The following DCBLD2 variants were observed in gnomAD, a reference collection of about 807,000 sequenced individuals.
DCBLD2 encodes discoidin, CUB and LCCL domain containing 2.
In DCBLD2, 54 loss-of-function variants were observed where a neutral mutation model predicts 86.8. That is an observed-to-expected ratio of 0.62 (90% CI 0.50 to 0.78). The LOEUF is 0.78. DCBLD2 is among the 30% of genes least tolerant of loss of function. DCBLD2 has a pLI of 0.00. For synonymous variants in DCBLD2, 354 were observed against 341.3 expected (o/e 1.04, Z -0.41); for missense variants, 908 against 954.2 (o/e 0.95, Z 0.64).
chr3:98,901,061 C>T, intron 1 of DCBLD2, 61 bp downstream of exon 1: 1 of 1,534,832 alleles, frequency 6.5e-7, no homozygotes, highest in South Asian at 1.2e-5. Context: ...TGTTCAGGGG[C>T]CAAGAGACCC....
chr3:98,826,407 C>CT (rs1453277039), intron 3 of DCBLD2, among the ~76,000 whole-genome samples: 1 of 152,240 alleles, frequency 6.6e-6, no homozygotes, highest in Non-Finnish European at 1.5e-5. Flanking sequence ...GCTGATTCCT[C>CT]TCTAAGAGCT....
chr3:98,898,440 T>A (rs1280042584), intron 1 of DCBLD2, among the ~76,000 whole-genome samples: 1 of 151,054 alleles, frequency 6.6e-6, no homozygotes, highest in Non-Finnish European at 1.5e-5. Flanking sequence ...AAAAAAAATC[T>A]ATCAAAGAAA....
chr3:98,836,012 T>C (rs1476581620), intron 3 of DCBLD2, among the ~76,000 whole-genome samples: 2 of 146,790 alleles, frequency 1.4e-5, no homozygotes, highest in East Asian at 3.9e-4. Flanking sequence ...TTTGAACTTA[T>C]GTATAGATTT....
At chr3:98,849,715 A>T in intron 2 of DCBLD2, 117 bp from the exon 3 acceptor site, 1 of 1,125,564 alleles carries the variant, frequency 8.9e-7, no homozygotes, top group Non-Finnish European at 1.2e-6. Context: ...TTAGTATGGA[A>T]TAATGACTAA....
Position 98,800,431 on chromosome 3 carries a change from A to G in DCBLD2, c.1858+148T>C, listed in dbSNP as rs145532798. 4.2e-5 allele frequency: 34 copies of G among 802,478 alleles called. 1 individual carries two copies. The African/African-American group carries it at 4.7e-4, about 11-fold the overall frequency. 49.7% of individuals were successfully genotyped at this position (802,478 alleles called of 1,614,324 possible). A position where few individuals can be genotyped will look rare whatever the true frequency, so the allele number is the denominator to read the frequency against. On this transcript the variant is annotated intron_variant, in intron 15 of 15. Coordinates refer to ENST00000326840, the MANE Select transcript of DCBLD2 (RefSeq NM_080927.4). The stretch of plus-strand genomic sequence containing the variant: ...TACAGAAATGACTCTCTGAAGAGTC[A>G]CCTTTTAAAAAAGTGGTTCTACCTT...
intron 1 of DCBLD2, among the ~76,000 whole-genome samples, chr3:98,898,198 T>C (rs1246424583): frequency 1.3e-5 from 2 of 151,992 alleles, no homozygotes; most frequent in Non-Finnish European, 2.9e-5. Flanking sequence ...ATACATCTGT[T>C]GTGAAAAGTC....
chr3:98,831,491 T>C (rs1289358371), intron 3 of DCBLD2, among the ~76,000 whole-genome samples: 2 of 152,128 alleles, frequency 1.3e-5, no homozygotes, highest in African/African-American at 4.8e-5. Flanking sequence ...ATTATACATA[T>C]TCTGCTAGCT....
At chr3:98,835,938 C>CTTTCTTTCTTTTTTTTTTTTTTTT (rs56279917) in intron 3 of DCBLD2, among the ~76,000 whole-genome samples, 1 of 115,054 alleles carries the variant, frequency 8.7e-6, no homozygotes, top group Non-Finnish European at 1.8e-5. Context: ...TCCTTTCTTT[C>CTTTCTTTCTTTTTTTTTTTTTTTT]TTTTTTTTTT....
At chr3:98,859,396 G>A (rs563082038) in intron 2 of DCBLD2, among the ~76,000 whole-genome samples, 3 of 152,336 alleles carry the variant, frequency 2.0e-5, no homozygotes, top group Non-Finnish European at 4.4e-5. Context: ...CCAGCATGGA[G>A]TCTGAGATCT....
intron 2 of DCBLD2, among the ~76,000 whole-genome samples, chr3:98,879,169 T>C (rs1943418497): frequency 6.6e-6 from 1 of 152,200 alleles, no homozygotes; most frequent in Non-Finnish European, 1.5e-5. Context: ...GAAGAGGGTG[T>C]AACAATTCCC....
intron 1 of DCBLD2, among the ~76,000 whole-genome samples, chr3:98,885,612 C>T (rs768728268): frequency 4.6e-5 from 7 of 151,986 alleles, no homozygotes; most frequent in Non-Finnish European, 1.0e-4. Context: ...TTCTCATTTT[C>T]ACCCCTAAAT....
intron 3 of DCBLD2, among the ~76,000 whole-genome samples, chr3:98,848,701 T>C (rs1285973298): frequency 1.3e-5 from 2 of 152,194 alleles, no homozygotes; most frequent in South Asian, 4.1e-4. Context: ...TTTAGAAATA[T>C]CCCATGTTTA....
intron 5 of DCBLD2, 139 bp downstream of exon 5, chr3:98,822,530 G>T: frequency 8.1e-7 from 1 of 1,240,990 alleles, no homozygotes; most frequent in African/African-American, 1.5e-5. Context: ...AGAAGAAAAA[G>T]AATAAAACAC....
At chr3:98,836,035 G>C (rs984974999) in intron 3 of DCBLD2, among the ~76,000 whole-genome samples, 2 of 126,150 alleles carry the variant, frequency 1.6e-5, no homozygotes, top group African/African-American at 3.1e-5. Context: ...CCATTTTATA[G>C]TAATAAATCA....
At chr3:98,859,915 C>A (rs1943009123) in intron 2 of DCBLD2, among the ~76,000 whole-genome samples, 1 of 152,182 alleles carries the variant, frequency 6.6e-6, no homozygotes, top group Admixed American at 6.5e-5. Flanking sequence ...TTCAGACCAT[C>A]AAACTTCTCT....
At chr3:98,862,642 C>A (rs941648348) in intron 2 of DCBLD2, among the ~76,000 whole-genome samples, 16 of 152,116 alleles carry the variant, frequency 1.1e-4, no homozygotes, top group Non-Finnish European at 2.4e-4. Context: ...TCAATAGATG[C>A]AGAAAAGGGG....
At chr3:98,833,696 G>A (rs889550093) in intron 3 of DCBLD2, among the ~76,000 whole-genome samples, 4 of 152,294 alleles carry the variant, frequency 2.6e-5, no homozygotes, top group East Asian at 1.9e-4. Flanking sequence ...ATGGAGAACC[G>A]TCTGACCACT....
chr3:98,839,435 C>A (rs1376525031), intron 3 of DCBLD2, among the ~76,000 whole-genome samples: 4 of 152,036 alleles, frequency 2.6e-5, no homozygotes, highest in Non-Finnish European at 5.9e-5. Flanking sequence ...CCTTGGCCAA[C>A]CCCCCTGAAT....
chr3:98,809,889 T>G (rs1941907823), intron 12 of DCBLD2, among the ~76,000 whole-genome samples: 1 of 152,126 alleles, frequency 6.6e-6, no homozygotes, highest in Admixed American at 6.5e-5. Context: ...CAACGGTAAA[T>G]GTGCTTTTTC....
Sources: allele counts gnomAD v4.1 joint callset (sites outside exome capture counted in the v4.1 genomes callset), GRCh38; gene constraint gnomAD v4.1.1; transcripts MANE v1.5; gene names NCBI Gene and HGNC (gene_info 2026-07-23, HGNC 2026-07-21).